HS3ST4: variants seen among roughly 807,000 people sequenced by gnomAD.
HS3ST4 encodes heparan sulfate-glucosamine 3-sulfotransferase 4, also known as heparan sulfate glucosamine 3-O-sulfotransferase 4.
HS3ST4 carries 17 observed loss-of-function variants against 29.2 expected under a neutral mutation model. The observed-to-expected ratio is 0.58, with a 90% CI of 0.40 to 0.87. The LOEUF is 0.87. HS3ST4 is among the 40% of genes least tolerant of loss of function. The pLI is 0.00. For synonymous variants in HS3ST4, 314 were observed against 285.7 expected (o/e 1.10, Z -1.00); for missense variants, 627 against 634.5 (o/e 0.99, Z 0.13).
At chr16:25,920,441 C>A (rs2141682488) in intron 1 of HS3ST4, among the ~76,000 whole-genome samples, 1 of 152,184 alleles carries the variant, frequency 6.6e-6, no homozygotes, top group East Asian at 1.9e-4. Context: ...ACCACACTTG[C>A]TTCATTCTTC....
At chr16:25,975,527 C>T (rs1659301731) in intron 1 of HS3ST4, among the ~76,000 whole-genome samples, 1 of 152,032 alleles carries the variant, frequency 6.6e-6, no homozygotes, top group Non-Finnish European at 1.5e-5. Context: ...GAAAAACCTG[C>T]ACATTTATGC....
intron 1 of HS3ST4, among the ~76,000 whole-genome samples, chr16:25,841,620 ATC>A (rs1423241948): frequency 2.0e-5 from 3 of 152,124 alleles, no homozygotes; most frequent in African/African-American, 7.2e-5. Context: ...ATATTAAATA[ATC>A]TTCTAATATT....
intron 1 of HS3ST4, among the ~76,000 whole-genome samples, chr16:25,990,572 A>G (rs773960766): frequency 3.3e-5 from 5 of 152,260 alleles, no homozygotes; most frequent in Non-Finnish European, 7.3e-5. Flanking sequence ...AACAGTGCTA[A>G]TATCTAACTT....
intron 1 of HS3ST4, among the ~76,000 whole-genome samples, chr16:25,999,316 G>T (rs938492679): frequency 1.3e-5 from 2 of 152,096 alleles, no homozygotes; most frequent in Non-Finnish European, 2.9e-5. Context: ...TGAGAATGGG[G>T]TGGGTTTTTC....
At chr16:25,860,240 C>G (rs934197263) in intron 1 of HS3ST4, among the ~76,000 whole-genome samples, 4 of 152,164 alleles carry the variant, frequency 2.6e-5, no homozygotes, top group Non-Finnish European at 5.9e-5. Context: ...GCAATAGGAA[C>G]TCTCATTCAT....
chr16:25,995,076 G>A (rs1969146898), intron 1 of HS3ST4, among the ~76,000 whole-genome samples: 1 of 152,128 alleles, frequency 6.6e-6, no homozygotes, highest in Non-Finnish European at 1.5e-5. Flanking sequence ...GTTCATAGCA[G>A]GCTGAGAATG....
chr16:25,695,313 G>A (rs1002095495), intron 1 of HS3ST4, among the ~76,000 whole-genome samples: 3 of 152,190 alleles, frequency 2.0e-5, no homozygotes, highest in African/African-American at 7.2e-5. Context: ...CTGATTGAAA[G>A]CACTGGACAC....
intron 1 of HS3ST4, among the ~76,000 whole-genome samples, chr16:25,792,361 G>T (rs1426075153): frequency 6.6e-6 from 1 of 151,674 alleles, no homozygotes; most frequent in Middle Eastern, 3.4e-3. Context: ...GGAATGTTTC[G>T]TGAAAAACTG....
rs188556640 is a variant in HS3ST4 at position 25,777,784 on chromosome 16, G to C, written c.734+84633G>C. Among the ~76,000 whole-genome samples the C allele has an allele frequency of 7.9e-3, 1,194 of 152,044 alleles. 28 individuals carry two copies. The highest frequency in any genetic ancestry group is 7.3e-3 in the Admixed American group (112 of 15,254). ...CTCCATCTCAAAACAAACAAACAAA[G>C]AAATCGAAACAGCAAAAAAAGAAAT... On this transcript the variant is annotated intron_variant, in intron 1 of 1. Transcript: ENST00000331351.
chr16:26,060,184 G>A (rs937303856), intron 1 of HS3ST4, among the ~76,000 whole-genome samples: 12 of 152,156 alleles, frequency 7.9e-5, no homozygotes, highest in Admixed American at 1.3e-4. Flanking sequence ...GCCCTGCCCC[G>A]AAGAAAGACT....
chr16:25,819,216 T>G (rs1056049176), intron 1 of HS3ST4, among the ~76,000 whole-genome samples: 1 of 152,208 alleles, frequency 6.6e-6, no homozygotes, highest in African/African-American at 2.4e-5. Context: ...CCAGAATAGA[T>G]GCACACACAT....
chr16:26,050,432 G>A (rs944548371), intron 1 of HS3ST4, among the ~76,000 whole-genome samples: 1 of 152,102 alleles, frequency 6.6e-6, no homozygotes, highest in Admixed American at 6.5e-5. Context: ...CTATAAACAG[G>A]ATTGAACATG....
At chr16:26,023,295 TTA>T (rs779932116) in intron 1 of HS3ST4, among the ~76,000 whole-genome samples, 14 of 150,446 alleles carry the variant, frequency 9.3e-5, no homozygotes, top group South Asian at 2.1e-4. Flanking sequence ...AATATATGTT[TTA>T]TATATATATA....
At chr16:25,883,926 C>A (rs1048306005) in intron 1 of HS3ST4, among the ~76,000 whole-genome samples, 4 of 151,966 alleles carry the variant, frequency 2.6e-5, no homozygotes, top group African/African-American at 9.7e-5. Context: ...ACCAGCCTGG[C>A]CAACATGGTG....
chr16:25,729,992 T>C (rs966717431), intron 1 of HS3ST4, among the ~76,000 whole-genome samples: 9 of 152,344 alleles, frequency 5.9e-5, no homozygotes, highest in Admixed American at 5.9e-4. Flanking sequence ...AAGGGCATTA[T>C]TTAATGCTAT....
intron 1 of HS3ST4, among the ~76,000 whole-genome samples, chr16:25,865,609 G>A (rs553109966): frequency 6.6e-6 from 1 of 152,210 alleles, no homozygotes; most frequent in African/African-American, 2.4e-5. Flanking sequence ...GCATGGTACT[G>A]GGCATAGAAA....
intron 1 of HS3ST4, among the ~76,000 whole-genome samples, chr16:25,866,351 A>G (rs1967694494): frequency 6.6e-6 from 1 of 152,182 alleles, no homozygotes; most frequent in Non-Finnish European, 1.5e-5. Context: ...CTTCTCTATT[A>G]AAAACAGCAT....
chr16:25,956,956 C>T lies in HS3ST4; in HGVS notation c.735-178656C>T, dbSNP rs935357787. Reference sequence around the variant, plus strand: ...GAGCTTGCAGTGAGCCAAGATTGAGCCACTGCACTCCAGCCTGGGCAACAG... The same window carrying T: ...GAGCTTGCAGTGAGCCAAGATTGAGTCACTGCACTCCAGCCTGGGCAACAG... On this transcript the variant is annotated intron_variant, in intron 1 of 1. Transcript: ENST00000331351. 4.2e-5 allele frequency among the ~76,000 whole-genome samples: 6 copies of T among 143,524 alleles called. No homozygotes were observed. In the Admixed American group the frequency reaches 4.3e-4, roughly 10 times the overall value. The allele number at this position is 143,524 out of a possible 152,430, so 94.2% of individuals were successfully genotyped here.
intron 1 of HS3ST4, chr16:25,826,096 T>TTA (rs1967211838): frequency 6.6e-6 from 1 of 152,232 alleles, no homozygotes; most frequent in Admixed American, 6.5e-5. Context: ...TGAGGTGAAC[T>TTA]TATTCTCCAG....
Sources: allele counts gnomAD v4.1 joint callset (sites outside exome capture counted in the v4.1 genomes callset), GRCh38; gene constraint gnomAD v4.1.1; transcripts MANE v1.5; gene names NCBI Gene and HGNC (gene_info 2026-07-23, HGNC 2026-07-21).